The following CACNA1C variants were observed in gnomAD, a reference collection of about 807,000 sequenced individuals.
The protein encoded by CACNA1C is voltage-dependent L-type calcium channel subunit alpha-1C.
In CACNA1C, 30 loss-of-function variants were observed where a neutral mutation model predicts 229.0. The ratio of observed to expected loss-of-function variants is 0.13; its 90% CI spans 0.10 to 0.18. The LOEUF is 0.18. Ranked by LOEUF, CACNA1C falls within the 10% of genes least tolerant of loss-of-function variation. CACNA1C has a pLI of 1.00. For missense variants in CACNA1C, 1,658 were observed against 2,845.0 expected, an observed-to-expected ratio of 0.58 and a Z score of 9.49; for synonymous variants, 1,114 against 1,132.5, an observed-to-expected ratio of 0.98 and a Z score of 0.33.
intron 3 of CACNA1C, among the ~76,000 whole-genome samples, chr12:2,183,180 G>A (rs1421408113): frequency 6.6e-6 from 1 of 151,828 alleles, no homozygotes; most frequent in Admixed American, 6.6e-5. Context: ...GCCCCCTGAC[G>A]TGATTTCTAT....
intron 3 of CACNA1C, among the ~76,000 whole-genome samples, chr12:2,325,610 C>G (rs539749736): frequency 5.3e-5 from 8 of 152,366 alleles, no homozygotes; most frequent in African/African-American, 1.7e-4. Flanking sequence ...AGTGAAGTTA[C>G]GCACACAAAG....
chr12:2,606,816 A>G (rs893200384), intron 25 of CACNA1C, among the ~76,000 whole-genome samples, 153 bp downstream of exon 25: 14 of 152,202 alleles, frequency 9.2e-5, no homozygotes, highest in Non-Finnish European at 2.1e-4. Context: ...CACAATGTGT[A>G]GCATTTTTTG....
chr12:2,103,648 G>A (rs1386807172), intron 1 of CACNA1C, among the ~76,000 whole-genome samples: 1 of 152,156 alleles, frequency 6.6e-6, no homozygotes, highest in Non-Finnish European at 1.5e-5. Context: ...TGAAGTCTTT[G>A]CCCATGCCAA....
chr12:2,682,039 G>C (rs10774054), intron 42 of CACNA1C: 5 of 1,599,222 alleles, frequency 3.1e-6, no homozygotes, highest in Non-Finnish European at 4.3e-6. Context: ...CTGCTCAGGA[G>C]AGCAAACCCC....
At chr12:2,130,376 A>G (rs1478404718) in intron 3 of CACNA1C, among the ~76,000 whole-genome samples, 4 of 145,644 alleles carry the variant, frequency 2.7e-5, no homozygotes, top group African/African-American at 1.0e-4. Flanking sequence ...ATATGTATAC[A>G]TGTGCCATGC....
At chr12:2,480,635 C>T (rs1414129432) in intron 5 of CACNA1C, among the ~76,000 whole-genome samples, 1 of 152,192 alleles carries the variant, frequency 6.6e-6, no homozygotes. Context: ...AGTCCTCTTC[C>T]TGTCATGGCA....
chr12:2,536,844 A>C (rs942357469), intron 9 of CACNA1C, among the ~76,000 whole-genome samples: 1 of 152,136 alleles, frequency 6.6e-6, no homozygotes, highest in Non-Finnish European at 1.5e-5. Context: ...AAATAAAAAT[A>C]AAAAATCAAA....
intron 42 of CACNA1C, among the ~76,000 whole-genome samples, chr12:2,681,194 G>A (rs1329920966): frequency 2.0e-5 from 3 of 152,154 alleles, no homozygotes; most frequent in Admixed American, 2.0e-4. Flanking sequence ...GTGAAGCTTT[G>A]TTCTCTGTGA....
In CACNA1C at chr12:2,608,832, T is replaced by C. The variant is rs2076399563; in HGVS notation, c.3558+120T>C. 1.0e-6 allele frequency: 1 copy of C among 966,654 alleles called. No individual in the cohort carries two copies. Among genetic ancestry groups the C allele is most frequent in the African/African-American group, 1.6e-5 (1 of 61,578 alleles). The allele number at this position is 966,654 out of a possible 1,614,324, so 59.9% of individuals were successfully genotyped here. A position where few individuals can be genotyped will look rare whatever the true frequency, so the allele number is the denominator to read the frequency against. ...CGTGCAGATACTGAGATCGTCTCTCTATTCCTCAACCAGAGTGGGCTGTCA... is the reference window on the plus strand; with the variant it reads ...CGTGCAGATACTGAGATCGTCTCTCCATTCCTCAACCAGAGTGGGCTGTCA... On this transcript the variant is annotated intron_variant, in intron 27 of 46. Coordinates refer to ENST00000399655, the MANE Select transcript of CACNA1C (RefSeq NM_000719.7). The surrounding 1 kb of genome is among the most constrained non-coding windows in gnomAD (Gnocchi z 4.2).
chr12:2,124,404 G>A (rs2088972946), intron 3 of CACNA1C, among the ~76,000 whole-genome samples: 1 of 152,120 alleles, frequency 6.6e-6, no homozygotes, highest in Non-Finnish European at 1.5e-5. Flanking sequence ...ATGTGCAAAG[G>A]CATGAGTATA....
intron 3 of CACNA1C, among the ~76,000 whole-genome samples, chr12:2,294,751 C>A (rs1381187412): frequency 1.3e-5 from 2 of 152,132 alleles, no homozygotes; most frequent in East Asian, 3.9e-4. Context: ...TCTCTGGCAG[C>A]CGCTGGGACT....
intron 3 of CACNA1C, among the ~76,000 whole-genome samples, chr12:2,322,374 A>T (rs928686665): frequency 6.6e-6 from 1 of 152,232 alleles, no homozygotes; most frequent in African/African-American, 2.4e-5. Context: ...CCTGCCCAGC[A>T]CATTGACTCT....
intron 1 of CACNA1C, among the ~76,000 whole-genome samples, chr12:2,015,196 G>A (rs1004580479): frequency 7.9e-5 from 12 of 152,144 alleles, no homozygotes; most frequent in Non-Finnish European, 7.3e-5. Context: ...ACCTGGTGCC[G>A]AAAGACCATC....
intron 3 of CACNA1C, among the ~76,000 whole-genome samples, chr12:2,243,059 G>T (rs2071296910): frequency 1.3e-5 from 2 of 152,192 alleles, no homozygotes; most frequent in Admixed American, 1.3e-4. Context: ...TGGATAGAAT[G>T]AGATCTGTCT....
At chr12:2,524,360 A>C (rs968976684) in intron 9 of CACNA1C, among the ~76,000 whole-genome samples, 27 of 152,230 alleles carry the variant, frequency 1.8e-4, no homozygotes, top group African/African-American at 6.3e-4. Context: ...ATGCACCAAC[A>C]GACAGGTGAC....
intron 3 of CACNA1C, among the ~76,000 whole-genome samples, chr12:2,310,211 G>T (rs941243885): frequency 2.6e-5 from 4 of 151,950 alleles, no homozygotes; most frequent in African/African-American, 9.7e-5. Flanking sequence ...GCTCGGAGAG[G>T]CTACATAACT....
At chr12:2,268,908 G>A (rs1163761100) in intron 3 of CACNA1C, among the ~76,000 whole-genome samples, 1 of 152,154 alleles carries the variant, frequency 6.6e-6, no homozygotes, top group Non-Finnish European at 1.5e-5. Context: ...GACAGACTCG[G>A]CCTTGGGCAG....
chr12:2,344,137 C>T (rs183546919), intron 3 of CACNA1C, among the ~76,000 whole-genome samples: 7 of 152,230 alleles, frequency 4.6e-5, no homozygotes, highest in Admixed American at 4.6e-4. Context: ...TCTTGAAATC[C>T]AGAATATCAT....
At chr12:2,475,928 T>C (rs1198779534) in intron 5 of CACNA1C, among the ~76,000 whole-genome samples, 6 of 152,234 alleles carry the variant, frequency 3.9e-5, no homozygotes, top group Admixed American at 3.9e-4. Flanking sequence ...TGCATGGCTG[T>C]TTGTTTTGTG....
Sources: allele counts gnomAD v4.1 joint callset (sites outside exome capture counted in the v4.1 genomes callset), GRCh38; gene constraint gnomAD v4.1.1; non-coding constraint Gnocchi (gnomAD v3.1); transcripts MANE v1.5; gene names NCBI Gene and HGNC (gene_info 2026-07-23, HGNC 2026-07-21).